LEF1: variants seen among roughly 807,000 people sequenced by gnomAD.
LEF1 encodes the protein lymphoid enhancer-binding factor 1.
Under a neutral mutation model 51.2 loss-of-function variants are expected in LEF1, and 14 were observed. The ratio of observed to expected loss-of-function variants is 0.27; its 90% CI spans 0.18 to 0.43. The LOEUF is 0.43. Ranked by LOEUF, LEF1 falls within the 20% of genes least tolerant of loss-of-function variation. The pLI, the probability that LEF1 is intolerant of heterozygous loss-of-function variation, is 1.00. For synonymous variants in LEF1, 185 were observed against 183.2 expected, an observed-to-expected ratio of 1.01 and a Z score of -0.08; for missense variants, 386 against 512.0, an observed-to-expected ratio of 0.75 and a Z score of 2.37.
At chr4:108,107,266 G>GTT (rs77205957) in intron 3 of LEF1, among the ~76,000 whole-genome samples, 19 of 141,550 alleles carry the variant, frequency 1.3e-4, no homozygotes, top group Middle Eastern at 3.6e-3. Flanking sequence ...AGAGAAAGGT[G>GTT]TTTTTTTTTT....
chr4:108,073,245 C>T (rs997632344), intron 8 of LEF1, among the ~76,000 whole-genome samples: 68 of 152,196 alleles, frequency 4.5e-4, no homozygotes, highest in African/African-American at 1.5e-3. Context: ...ATTAGCCAGG[C>T]GTAGCAGTGC....
At position 108,163,654 on chromosome 4, in the gene LEF1, T is replaced by G; in HGVS notation, c.328A>C (p.Ser110Arg). Residue 110 changes from serine (S) to arginine (R), a missense_variant, in exon 3 of 12, where the codon AGT becomes CGT. Ser to Arg is a moderately radical substitution (Grantham distance 110). This residue lies in a region of LEF1 where 335 missense variants were observed against 390.7 expected (regional missense o/e 0.86). Transcript: ENST00000265165. ...GGCATCATTATGTACCCGGAATAAC[T>G]CGAGTAGGAGGGTCCCTTGTTGTAG... ...GLYNKGPSYSSYSGYIMMPNM... is the reference protein window; with the variant it reads ...GLYNKGPSYSRYSGYIMMPNM... The G allele has an allele frequency of 1.2e-6, 2 of 1,613,918 alleles. No individual in the cohort carries two copies. Among genetic ancestry groups the G allele is most frequent in the Admixed American group, 3.3e-5 (2 of 60,034 alleles).
chr4:108,131,995 G>A lies in LEF1; in HGVS notation c.414+31573C>T, dbSNP rs540190711. On this transcript the variant is annotated intron_variant, in intron 3 of 11. Transcript: ENST00000265165. ...AGGAAATTTCAAATTCAAGGTAAAC[G>A]TTTTTATTGACAATTTGGATGAGGA... 1.3e-4 allele frequency among the ~76,000 whole-genome samples: 20 copies of A among 152,238 alleles called. No individual in the cohort carries two copies. In the South Asian group the frequency reaches 4.1e-3, roughly 32 times the overall value.
At chr4:108,127,554 C>A (rs1205616757) in intron 3 of LEF1, among the ~76,000 whole-genome samples, 1 of 152,156 alleles carries the variant, frequency 6.6e-6, no homozygotes, top group African/African-American at 2.4e-5. Context: ...GTTCTCTCTC[C>A]TTCTCCCTTT....
At chr4:108,056,560 T>C (rs1316179503) in intron 11 of LEF1, among the ~76,000 whole-genome samples, 2 of 152,218 alleles carry the variant, frequency 1.3e-5, no homozygotes, top group East Asian at 1.9e-4. Flanking sequence ...TATGCTGCCA[T>C]TGCTATTTAA....
intron 3 of LEF1, among the ~76,000 whole-genome samples, chr4:108,107,222 A>G (rs1741223859): frequency 6.6e-6 from 1 of 151,894 alleles, no homozygotes; most frequent in African/African-American, 2.4e-5. Flanking sequence ...TGACCTTTGC[A>G]GGCAAACTTG....
At chr4:108,161,002 A>G (rs781761516) in intron 3 of LEF1, among the ~76,000 whole-genome samples, 3 of 152,152 alleles carry the variant, frequency 2.0e-5, no homozygotes, top group Non-Finnish European at 4.4e-5. Flanking sequence ...TGCCAAGGGG[A>G]TGCTCCCATC....
At chr4:108,152,790 C>A (rs1170210726) in intron 3 of LEF1, among the ~76,000 whole-genome samples, 1 of 152,162 alleles carries the variant, frequency 6.6e-6, no homozygotes, top group Admixed American at 6.5e-5. Flanking sequence ...ACAGAAACAC[C>A]TGTAATTCAG....
chr4:108,063,212 C>A (rs1449809070), intron 11 of LEF1, among the ~76,000 whole-genome samples: 2 of 152,114 alleles, frequency 1.3e-5, no homozygotes, highest in Admixed American at 6.6e-5. Context: ...CTCTACTGAG[C>A]AAAAGCTTGG....
intron 8 of LEF1, among the ~76,000 whole-genome samples, chr4:108,077,950 A>G (rs1271737213): frequency 1.3e-5 from 2 of 152,200 alleles, no homozygotes; most frequent in Non-Finnish European, 2.9e-5. Context: ...TTGAGGTGGG[A>G]GGATCGCCTG....
chr4:108,146,276 G>C (rs1414612760), intron 3 of LEF1, among the ~76,000 whole-genome samples: 2 of 152,268 alleles, frequency 1.3e-5, no homozygotes, highest in Non-Finnish European at 2.9e-5. Flanking sequence ...TTCTATGAGA[G>C]AGTGAGCAGA....
chr4:108,099,509 T>A (rs1740608530), intron 3 of LEF1, among the ~76,000 whole-genome samples: 1 of 120,760 alleles, frequency 8.3e-6, no homozygotes, highest in Non-Finnish European at 1.9e-5. Flanking sequence ...TGTATATATA[T>A]ATGTGTATGT....
chr4:108,080,539 A>G lies in LEF1; in HGVS notation c.723-925T>C, dbSNP rs3796996. ...TTTTAAAATATGAAGGAAGCATGGTAAAAATACAAATATTTGACCAAATAA... is the reference window on the plus strand; with the variant it reads ...TTTTAAAATATGAAGGAAGCATGGTGAAAATACAAATATTTGACCAAATAA... On this transcript the variant is annotated intron_variant, in intron 6 of 11. Transcript: ENST00000265165. Among the ~76,000 whole-genome samples, 58 of 151,892 alleles carry G rather than the reference A, an allele frequency of 3.8e-4. 1 individual carries two copies. In the East Asian group the frequency reaches 0.011, roughly 29 times the overall value.
chr4:108,081,823 C>T (rs972135912), intron 5 of LEF1, among the ~76,000 whole-genome samples, 154 bp from the exon 6 acceptor site: 1 of 152,148 alleles, frequency 6.6e-6, no homozygotes, highest in Non-Finnish European at 1.5e-5. Flanking sequence ...TAACCGTTCC[C>T]CTTCCTTACC....
At chr4:108,119,790 T>C (rs1742050801) in intron 3 of LEF1, among the ~76,000 whole-genome samples, 1 of 152,204 alleles carries the variant, frequency 6.6e-6, no homozygotes, top group East Asian at 1.9e-4. Flanking sequence ...CATCCATTTA[T>C]AATCTTGAAA....
chr4:108,165,927 G>T (rs1423408261), intron 1 of LEF1, among the ~76,000 whole-genome samples: 3 of 152,156 alleles, frequency 2.0e-5, no homozygotes, highest in South Asian at 2.1e-4. Context: ...TCTCGGATTC[G>T]AACGCAGTGT....
chr4:108,159,163 A>G (rs542371799), intron 3 of LEF1, among the ~76,000 whole-genome samples: 1 of 152,312 alleles, frequency 6.6e-6, no homozygotes, highest in Admixed American at 6.5e-5. Flanking sequence ...CAAACTGGCC[A>G]TAAGGTATTT....
chr4:108,135,078 T>G (rs1322857294), intron 3 of LEF1, among the ~76,000 whole-genome samples: 1 of 152,126 alleles, frequency 6.6e-6, no homozygotes, highest in East Asian at 1.9e-4. Flanking sequence ...CAATAAAACA[T>G]TGCAAGTTGA....
chr4:108,092,475 T>C (rs1373777466), intron 3 of LEF1, among the ~76,000 whole-genome samples: 1 of 152,176 alleles, frequency 6.6e-6, no homozygotes, highest in East Asian at 1.9e-4. Flanking sequence ...ACAGTCAAGA[T>C]TCCTCAGCCC....
Sources: allele counts gnomAD v4.1 joint callset (sites outside exome capture counted in the v4.1 genomes callset), GRCh38; gene constraint gnomAD v4.1.1; regional missense constraint gnomAD v4.1.1; transcripts MANE v1.5; gene names NCBI Gene and HGNC (gene_info 2026-07-23, HGNC 2026-07-21).